SBF2: variants seen among roughly 807,000 people sequenced by gnomAD.
SBF2 encodes the protein myotubularin-related protein 13.
A neutral mutation model predicts 225.2 loss-of-function variants in SBF2; 112 were observed. The ratio of observed to expected loss-of-function variants is 0.50; its 90% confidence interval spans 0.43 to 0.58. The LOEUF (loss-of-function observed/expected upper bound fraction) is 0.58. Among genes scored for constraint, SBF2 ranks in the 20% least tolerant of loss-of-function variants. The pLI, the probability that SBF2 is intolerant of heterozygous loss-of-function variation, is 0.00. For synonymous variants in SBF2, 763 were observed against 773.3 expected (o/e 0.99, Z 0.22); for missense variants, 1,996 against 2,206.2 (o/e 0.90, Z 1.91).
At chr11:10,105,792 G>A (rs890958627) in intron 2 of SBF2, among the ~76,000 whole-genome samples, 1 of 152,156 alleles carries the variant, frequency 6.6e-6, no homozygotes, top group Non-Finnish European at 1.5e-5. Context: ...AATTTTCAAA[G>A]CACATTCTGG....
chr11:9,946,697 G>A (rs1289366463), intron 16 of SBF2, among the ~76,000 whole-genome samples: 7 of 152,122 alleles, frequency 4.6e-5, no homozygotes, highest in African/African-American at 9.7e-5. Context: ...TAATCCGCCC[G>A]CCTCGGCCTC....
intron 2 of SBF2, among the ~76,000 whole-genome samples, chr11:10,186,563 T>A (rs1956940892): frequency 6.6e-6 from 1 of 152,234 alleles, no homozygotes; most frequent in South Asian, 2.1e-4. Flanking sequence ...AAAAATGTGT[T>A]CATCAACCCA....
At chr11:10,169,828 C>T (rs2135240769) in intron 2 of SBF2, among the ~76,000 whole-genome samples, 1 of 152,278 alleles carries the variant, frequency 6.6e-6, no homozygotes, top group East Asian at 1.9e-4. Flanking sequence ...TTCTCCACAT[C>T]CTTGCCAGCA....
At chr11:9,824,464 G>A (rs1854951473) in intron 28 of SBF2, among the ~76,000 whole-genome samples, 1 of 151,816 alleles carries the variant, frequency 6.6e-6, no homozygotes, top group South Asian at 2.1e-4. Flanking sequence ...GGCTGAGGCA[G>A]GAGAATTGCT....
In SBF2 at chr11:9,968,368, A is replaced by T. The variant is rs746860317; in HGVS notation, c.1573T>A (p.Cys525Ser). 9 of 1,613,948 alleles carry T rather than the reference A, an allele frequency of 5.6e-6. No individual in the cohort carries two copies. The part of the protein sequence containing the change: ...APPATRIEKK[C>S]VVPAGPPVVS... Reference sequence around the variant, plus strand: ...ACAGGTGGACCTGCTGGCACAACACATTTCTTTTCTATTCGTGTGGCAGGA... The same window carrying T: ...ACAGGTGGACCTGCTGGCACAACACTTTTCTTTTCTATTCGTGTGGCAGGA... The change falls in exon 14 of 40, where the codon TGT (cysteine) becomes AGT (serine). Residue 525 changes from cysteine to serine, a missense_variant. Cys to Ser is a moderately radical substitution (Grantham distance 112). Coordinates refer to ENST00000256190, the MANE Select transcript of SBF2 (RefSeq NM_030962.4).
At chr11:9,903,867 C>T (rs1269167903) in intron 16 of SBF2, among the ~76,000 whole-genome samples, 1 of 152,098 alleles carries the variant, frequency 6.6e-6, no homozygotes, top group Non-Finnish European at 1.5e-5. Context: ...TCATACTCTG[C>T]CATTTTGTCT....
chr11:9,933,367 C>A (rs965322773), intron 16 of SBF2, among the ~76,000 whole-genome samples: 1 of 152,214 alleles, frequency 6.6e-6, no homozygotes, highest in Admixed American at 6.5e-5. Flanking sequence ...TTCTTCTCAG[C>A]ACCACATCAC....
intron 2 of SBF2, among the ~76,000 whole-genome samples, chr11:10,063,856 C>CAGAGAGAGAGAGAGAGAG (rs1487944368): frequency 8.0e-6 from 1 of 125,678 alleles, no homozygotes; most frequent in Admixed American, 8.2e-5. Flanking sequence ...CACACACACA[C>CAGAGAGAGAGAGAGAGAG]ACAGAGAGAG....
intron 16 of SBF2, among the ~76,000 whole-genome samples, chr11:9,936,930 G>T (rs1651157211): frequency 6.6e-6 from 1 of 152,084 alleles, no homozygotes; most frequent in South Asian, 2.1e-4. Context: ...GATTAACTCA[G>T]TTAAGAAAGA....
intron 2 of SBF2, among the ~76,000 whole-genome samples, chr11:10,075,469 A>T (rs11042609): frequency 0.2 from 30,360 of 152,188 alleles, 3,924 homozygotes; most frequent in Non-Finnish European, 0.29. Flanking sequence ...TCTTATGTTG[A>T]ATCGTGATCC....
At chr11:10,116,115 G>A (rs950656431) in intron 2 of SBF2, among the ~76,000 whole-genome samples, 1 of 152,176 alleles carries the variant, frequency 6.6e-6, no homozygotes, top group Non-Finnish European at 1.5e-5. Flanking sequence ...CTTGCCGTGA[G>A]CCGAGATCAC....
At chr11:9,809,205 C>T (rs1854029044) in intron 30 of SBF2, 1 of 501,118 alleles carries the variant, frequency 2.0e-6, no homozygotes. Flanking sequence ...ATGACTCATG[C>T]CCATAATCCC....
intron 28 of SBF2, among the ~76,000 whole-genome samples, chr11:9,819,949 CTAA>C (rs1231906212): frequency 6.6e-6 from 1 of 152,178 alleles, no homozygotes; most frequent in Non-Finnish European, 1.5e-5. Context: ...CCCAATATCA[CTAA>C]TAATACAGCT....
intron 2 of SBF2, among the ~76,000 whole-genome samples, chr11:10,138,643 A>G (rs576480894): frequency 6.6e-6 from 1 of 151,992 alleles, no homozygotes; most frequent in Non-Finnish European, 1.5e-5. Context: ...GAATCTCAGA[A>G]TTTTGATATG....
At chr11:10,183,763 A>C (rs1267566417) in intron 2 of SBF2, among the ~76,000 whole-genome samples, 2 of 152,208 alleles carry the variant, frequency 1.3e-5, no homozygotes, top group African/African-American at 4.8e-5. Context: ...CATATGTAGA[A>C]GCTAAAAACA....
Position 9,804,588 on chromosome 11 carries a change from T to G in SBF2, c.4443+3412A>C, listed in dbSNP as rs186055607. ...ACGCTGAAAAGTTTGCTTATGCCCTTTGCATGATGATTGATCCCCTCCCTT... is the reference window on the plus strand; with the variant it reads ...ACGCTGAAAAGTTTGCTTATGCCCTGTGCATGATGATTGATCCCCTCCCTT... On this transcript the variant is annotated intron_variant, in intron 32 of 39. Transcript: ENST00000256190. 4.6e-5 allele frequency among the ~76,000 whole-genome samples: 7 copies of G among 152,306 alleles called. No individual in the cohort carries two copies. In the East Asian group the frequency reaches 1.2e-3, roughly 25 times the overall value.
intron 2 of SBF2, among the ~76,000 whole-genome samples, chr11:10,075,444 G>A (rs1951061073): frequency 6.6e-6 from 1 of 152,176 alleles, no homozygotes; most frequent in Admixed American, 6.5e-5. Context: ...GTTTGGTTCT[G>A]TGTCCCCACC....
chr11:9,983,133 G>C (rs1396855511), intron 13 of SBF2, among the ~76,000 whole-genome samples: 5 of 152,232 alleles, frequency 3.3e-5, no homozygotes, highest in Non-Finnish European at 7.3e-5. Flanking sequence ...AAGAACTAAA[G>C]CACTTTTCTT....
chr11:9,966,927 A>T (rs1267864779), intron 14 of SBF2, among the ~76,000 whole-genome samples: 1 of 152,180 alleles, frequency 6.6e-6, no homozygotes, highest in Non-Finnish European at 1.5e-5. Flanking sequence ...AGAGAACTGA[A>T]AACATATCTA....
Sources: allele counts gnomAD v4.1 joint callset (sites outside exome capture counted in the v4.1 genomes callset), GRCh38; gene constraint gnomAD v4.1.1; transcripts MANE v1.5; gene names NCBI Gene and HGNC (gene_info 2026-07-23, HGNC 2026-07-21).